SGIP1: variants seen among roughly 807,000 people sequenced by gnomAD.
SGIP1 encodes the protein SH3GL interacting endocytic adaptor 1.
A neutral mutation model predicts 107.5 loss-of-function variants in SGIP1; 38 were observed. That is an observed-to-expected ratio of 0.35 (90% CI 0.27 to 0.46). SGIP1 has a LOEUF of 0.46. SGIP1 is among the 20% of genes least tolerant of loss of function. SGIP1 has a pLI of 1.00. For synonymous variants in SGIP1, 365 were observed against 366.1 expected (o/e 1.00, Z 0.03); for missense variants, 929 against 1,019.5 (o/e 0.91, Z 1.21).
At chr1:66,741,536 C>G (rs2094445929) in intron 24 of SGIP1, 100 bp downstream of exon 24, 4 of 1,228,614 alleles carry the variant, frequency 3.3e-6, no homozygotes, top group Non-Finnish European at 4.3e-6. Context: ...TCCTCCACCT[C>G]TTTCCCACTC....
At chr1:66,634,085 GA>G (rs745636084) in intron 3 of SGIP1, 40 of 1,602,262 alleles carry the variant, frequency 2.5e-5, no homozygotes, top group Admixed American at 1.4e-4. Context: ...TTCAGCAGGG[GA>G]AAAAAAAGAC....
chr1:66,675,613 C>T (rs1428232340), intron 12 of SGIP1, among the ~76,000 whole-genome samples: 1 of 131,266 alleles, frequency 7.6e-6, no homozygotes, highest in African/African-American at 2.9e-5. Flanking sequence ...GTTCTTAGCT[C>T]ACTGCAGCCT....
chr1:66,562,805 A>G (rs923547050), intron 1 of SGIP1, among the ~76,000 whole-genome samples: 1 of 152,046 alleles, frequency 6.6e-6, no homozygotes, highest in Admixed American at 6.6e-5. Context: ...CACGGGAAGG[A>G]GGAGCATGAG....
chr1:66,655,988 C>T (rs749375664), intron 7 of SGIP1, among the ~76,000 whole-genome samples: 1 of 152,076 alleles, frequency 6.6e-6, no homozygotes, highest in Non-Finnish European at 1.5e-5. Context: ...AATGCAAAAA[C>T]ATTGTACAGC....
chr1:66,559,338 T>TGA, intron 1 of SGIP1, among the ~76,000 whole-genome samples: 2 of 152,214 alleles, frequency 1.3e-5, no homozygotes, highest in East Asian at 3.9e-4. Context: ...TGTTTTATCC[T>TGA]GACTTATGGA....
At chr1:66,714,916 G>T (rs149563363) in intron 18 of SGIP1, among the ~76,000 whole-genome samples, 22 of 152,144 alleles carry the variant, frequency 1.4e-4, no homozygotes, top group Admixed American at 4.6e-4. Context: ...TCTGGTTTTA[G>T]CCCTGTTTTC....
intron 7 of SGIP1, among the ~76,000 whole-genome samples, chr1:66,659,823 T>G (rs2080536196): frequency 1.3e-5 from 2 of 150,656 alleles, no homozygotes; most frequent in South Asian, 4.2e-4. Flanking sequence ...GGTGGGAGGA[T>G]CTCTTGAAAC....
At chr1:66,726,961 AT>A (rs1056008003) in intron 19 of SGIP1, among the ~76,000 whole-genome samples, 2 of 152,200 alleles carry the variant, frequency 1.3e-5, no homozygotes, top group Non-Finnish European at 2.9e-5. Flanking sequence ...ACAGAGAAAG[AT>A]CCTGTCTCAA....
intron 1 of SGIP1, 103 bp downstream of exon 1, chr1:66,534,471 G>A: frequency 1.5e-6 from 2 of 1,357,038 alleles, no homozygotes; most frequent in Middle Eastern, 1.8e-4. Context: ...CTAGAACCTG[G>A]TTGCCAATGT....
At chr1:66,665,453 G>A (rs926065511) in intron 8 of SGIP1, among the ~76,000 whole-genome samples, 57 of 152,278 alleles carry the variant, frequency 3.7e-4, no homozygotes, top group Middle Eastern at 3.4e-3. Flanking sequence ...TGTCTTTATA[G>A]CAGCATGATT....
chr1:66,642,058 G>A (rs573739983), intron 5 of SGIP1, among the ~76,000 whole-genome samples: 1 of 152,230 alleles, frequency 6.6e-6, no homozygotes, highest in African/African-American at 2.4e-5. Context: ...AGGCTATCCT[G>A]GAACATACTT....
chr1:66,724,400 A>C (rs2093667880), intron 19 of SGIP1, among the ~76,000 whole-genome samples: 11 of 152,168 alleles, frequency 7.2e-5, no homozygotes, highest in Admixed American at 7.2e-4. Context: ...AAAAATCCTT[A>C]AGTTAAAAAA....
At chr1:66,631,699 CT>C (rs2074774106) in intron 2 of SGIP1, among the ~76,000 whole-genome samples, 1 of 36,812 alleles carries the variant, frequency 2.7e-5, no homozygotes, top group African/African-American at 1.9e-4. Flanking sequence ...CTCTCTCTCT[CT>C]CTCTCTCTCT....
chr1:66,572,993 G>A (rs1002423673), intron 1 of SGIP1, among the ~76,000 whole-genome samples: 1 of 152,064 alleles, frequency 6.6e-6, no homozygotes, highest in African/African-American at 2.4e-5. Context: ...TATAGTAAAT[G>A]TCCAGAATAG....
At chr1:66,643,780 T>C in intron 7 of SGIP1, 61 bp downstream of exon 7, 1 of 1,444,662 alleles carries the variant, frequency 6.9e-7, no homozygotes, top group Non-Finnish European at 9.2e-7. Flanking sequence ...ATGTTCTGCC[T>C]ATATGCATTA....
intron 1 of SGIP1, among the ~76,000 whole-genome samples, chr1:66,609,259 G>A (rs1570540865): frequency 6.6e-6 from 1 of 152,228 alleles, no homozygotes; most frequent in Non-Finnish European, 1.5e-5. Flanking sequence ...GAAGTCTTAA[G>A]TGAAATTTGG....
In SGIP1 at chr1:66,743,707, AG is replaced by A. The variant is rs1184170618; in HGVS notation, c.*613del. On this transcript the variant is annotated 3_prime_UTR_variant, in exon 25 of 25. Coordinates refer to ENST00000371037, the MANE Select transcript of SGIP1 (RefSeq NM_032291.4). ...AATTCTAAGGTTACAGCATATTCAA[AG>A]AAAAGCATTAGTTACCACTTTTTAA... 9 of 152,646 alleles carry A rather than the reference AG, an allele frequency of 5.9e-5. No homozygotes were observed. The highest frequency in any genetic ancestry group is 1.3e-4 in the Non-Finnish European group (9 of 68,020). The allele number at this position is 152,646 out of a possible 1,614,324, so 9.5% of individuals were successfully genotyped here.
chr1:66,601,013 C>T (rs1306756247), intron 1 of SGIP1, among the ~76,000 whole-genome samples: 2 of 152,040 alleles, frequency 1.3e-5, no homozygotes, highest in African/African-American at 4.8e-5. Context: ...ACGACTTCTC[C>T]ACATGAACAC....
At chr1:66,714,976 G>T (rs1399174098) in intron 18 of SGIP1, among the ~76,000 whole-genome samples, 1 of 152,066 alleles carries the variant, frequency 6.6e-6, no homozygotes, top group African/African-American at 2.4e-5. Context: ...GGGGATGAAA[G>T]CATTCATTTA....
Sources: gnomAD v4.1 joint callset for allele counts (sites outside exome capture counted in the v4.1 genomes callset) on GRCh38, gnomAD v4.1.1 for gene constraint, MANE v1.5 for transcripts, NCBI Gene and HGNC (gene_info 2026-07-23, HGNC 2026-07-21) for gene names.